The following BNC2 variants were observed in gnomAD, a reference collection of about 807,000 sequenced individuals.
BNC2 encodes zinc finger protein basonuclin-2.
In BNC2, 20 loss-of-function variants were observed where a neutral mutation model predicts 76.3. The observed-to-expected ratio is 0.26, with a 90% confidence interval of 0.18 to 0.38. The LOEUF (loss-of-function observed/expected upper bound fraction) is 0.38. BNC2 is among the 10% of genes least tolerant of loss of function. BNC2 has a pLI of 1.00. For synonymous variants in BNC2, 582 were observed against 514.8 expected (o/e 1.13, Z -1.77); for missense variants, 1,382 against 1,399.8 (o/e 0.99, Z 0.20).
At chr9:16,478,644 T>C (rs1003149555) in intron 5 of BNC2, among the ~76,000 whole-genome samples, 1 of 152,162 alleles carries the variant, frequency 6.6e-6, no homozygotes, top group African/African-American at 2.4e-5. Flanking sequence ...TACCACAAAT[T>C]ATAAGAGGAA....
chr9:16,583,655 C>T (rs1819688408), intron 3 of BNC2, among the ~76,000 whole-genome samples: 1 of 152,106 alleles, frequency 6.6e-6, no homozygotes, highest in South Asian at 2.1e-4. Context: ...TTAATCACAT[C>T]CCAATTCCTT....
At chr9:16,741,717 G>A (rs1824855346) in intron 1 of BNC2, among the ~76,000 whole-genome samples, 1 of 151,972 alleles carries the variant, frequency 6.6e-6, no homozygotes, top group Admixed American at 6.6e-5. Flanking sequence ...CAACACTTTG[G>A]GAGGACAAGG....
intron 3 of BNC2, among the ~76,000 whole-genome samples, chr9:16,585,513 A>AT (rs1451871001): frequency 6.6e-6 from 1 of 152,168 alleles, no homozygotes; most frequent in Non-Finnish European, 1.5e-5. Flanking sequence ...ATAGACTACA[A>AT]TTTTCCCTTA....
chr9:16,628,340 G>A (rs1821057844), intron 3 of BNC2, among the ~76,000 whole-genome samples: 1 of 152,124 alleles, frequency 6.6e-6, no homozygotes, highest in Non-Finnish European at 1.5e-5. Flanking sequence ...TTTAGAGAAA[G>A]TTTCAGAAAT....
intron 3 of BNC2, among the ~76,000 whole-genome samples, chr9:16,591,370 A>G (rs1819924809): frequency 6.6e-6 from 1 of 152,202 alleles, no homozygotes; most frequent in Non-Finnish European, 1.5e-5. Context: ...TATCAAAAGG[A>G]GACAAGGAAG....
intron 1 of BNC2, among the ~76,000 whole-genome samples, chr9:16,777,974 T>C (rs182919932): frequency 6.6e-5 from 10 of 152,310 alleles, no homozygotes; most frequent in Admixed American, 5.9e-4. Flanking sequence ...CATACTATTA[T>C]CTAACTTCTA....
At chr9:16,866,387 G>T (rs928236396) in intron 1 of BNC2, among the ~76,000 whole-genome samples, 1 of 151,242 alleles carries the variant, frequency 6.6e-6, no homozygotes, top group Non-Finnish European at 1.5e-5. Context: ...ACAGAAAAGG[G>T]GTTGTCCTTC....
At chr9:16,659,329 G>T (rs755078173) in intron 3 of BNC2, among the ~76,000 whole-genome samples, 1 of 152,132 alleles carries the variant, frequency 6.6e-6, no homozygotes, top group South Asian at 2.1e-4. Flanking sequence ...TCCCAAGCTT[G>T]CGGCGGGCAC....
At chr9:16,767,905 C>G (rs1342952916) in intron 1 of BNC2, among the ~76,000 whole-genome samples, 3 of 151,464 alleles carry the variant, frequency 2.0e-5, no homozygotes, top group Non-Finnish European at 4.4e-5. Context: ...CTATCAAAGA[C>G]TTTTAAGATC....
chr9:16,780,182 G>A (rs1217644349), intron 1 of BNC2, among the ~76,000 whole-genome samples: 1 of 141,552 alleles, frequency 7.1e-6, no homozygotes, highest in Non-Finnish European at 1.5e-5. Flanking sequence ...CTTGCAGTGA[G>A]CCGAGATCGC....
intron 5 of BNC2, among the ~76,000 whole-genome samples, chr9:16,468,939 G>A (rs542358106): frequency 6.6e-6 from 1 of 152,292 alleles, no homozygotes; most frequent in Admixed American, 6.5e-5. Flanking sequence ...AACAGGGATA[G>A]TAACTTTTCA....
intron 5 of BNC2, among the ~76,000 whole-genome samples, chr9:16,491,331 C>G (rs559161788): frequency 6.6e-6 from 1 of 152,236 alleles, no homozygotes; most frequent in East Asian, 1.9e-4. Context: ...CAGTGATATA[C>G]TCAACAGGTG....
At chr9:16,441,989 A>G (rs1281966532) in intron 5 of BNC2, among the ~76,000 whole-genome samples, 3 of 152,222 alleles carry the variant, frequency 2.0e-5, no homozygotes, top group African/African-American at 7.2e-5. Flanking sequence ...TGCATGAATA[A>G]TATGTTAACA....
chr9:16,667,894 C>A (rs1386953669), intron 3 of BNC2, among the ~76,000 whole-genome samples: 1 of 152,190 alleles, frequency 6.6e-6, no homozygotes, highest in Non-Finnish European at 1.5e-5. Context: ...CACCCCAAAA[C>A]ACTATTCAAG....
At chr9:16,562,000 G>A (rs940026126) in intron 4 of BNC2, among the ~76,000 whole-genome samples, 15 of 151,968 alleles carry the variant, frequency 9.9e-5, no homozygotes, top group Admixed American at 9.8e-4. Flanking sequence ...GTGAGACCCT[G>A]TCTCAAAAAA....
intron 5 of BNC2, among the ~76,000 whole-genome samples, chr9:16,478,394 G>A (rs1264328720): frequency 6.6e-6 from 1 of 152,176 alleles, no homozygotes; most frequent in Non-Finnish European, 1.5e-5. Flanking sequence ...GATCCCAGAA[G>A]TGATCTGTGA....
intron 3 of BNC2, among the ~76,000 whole-genome samples, chr9:16,673,441 A>ACACAC (rs1262480016): frequency 1.4e-5 from 2 of 145,466 alleles, no homozygotes; most frequent in African/African-American, 2.5e-5. Context: ...AAAAAAAAAA[A>ACACAC]AAACACACAC....
At chr9:16,778,937 T>C (rs1213561035) in intron 1 of BNC2, among the ~76,000 whole-genome samples, 3 of 151,884 alleles carry the variant, frequency 2.0e-5, no homozygotes, top group Non-Finnish European at 4.4e-5. Context: ...TTTTTAGAAA[T>C]GCTCCTTTTG....
At chr9:16,428,199 C>A (rs1320211073) in intron 6 of BNC2, among the ~76,000 whole-genome samples, 4 of 152,136 alleles carry the variant, frequency 2.6e-5, no homozygotes, top group Non-Finnish European at 5.9e-5. Flanking sequence ...TGAATTGGGA[C>A]TGACTGAGCC....
Sources: allele counts gnomAD v4.1 joint callset (sites outside exome capture counted in the v4.1 genomes callset), GRCh38; gene constraint gnomAD v4.1.1; transcripts MANE v1.5; gene names NCBI Gene and HGNC (gene_info 2026-07-23, HGNC 2026-07-21).